The following SDK1 variants were observed in gnomAD, a reference collection of about 807,000 sequenced individuals.
SDK1 encodes the protein protein sidekick-1.
A neutral mutation model predicts 245.5 loss-of-function variants in SDK1; 157 were observed. The observed-to-expected ratio is 0.64, with a 90% CI of 0.56 to 0.73. The LOEUF (loss-of-function observed/expected upper bound fraction) is 0.73, where lower values mean the gene tolerates loss of function less well. SDK1 is among the 30% of genes least tolerant of loss of function. The probability of loss-of-function intolerance (pLI) is 0.00; values close to 1 mark genes in which losing one functional copy is unlikely to be tolerated. For missense variants in SDK1, 3,583 were observed against 3,002.3 expected, an observed-to-expected ratio of 1.19 and a Z score of -4.52; for synonymous variants, 1,647 against 1,278.5, an observed-to-expected ratio of 1.29 and a Z score of -6.15.
At chr7:4,110,147 C>G (rs1783244003) in intron 22 of SDK1, among the ~76,000 whole-genome samples, 1 of 152,150 alleles carries the variant, frequency 6.6e-6, no homozygotes. Flanking sequence ...GCCTAAGGAC[C>G]TTCCTTATGC....
chr7:3,916,160 G>A (rs1285653638), intron 5 of SDK1, among the ~76,000 whole-genome samples: 1 of 152,180 alleles, frequency 6.6e-6, no homozygotes, highest in African/African-American at 2.4e-5. Flanking sequence ...TGGGAAAGAG[G>A]GAGGGAGAGG....
Position 3,684,934 on chromosome 7 carries a change from A to G in SDK1, c.713+42829A>G, listed in dbSNP as rs573012028. Among the ~76,000 whole-genome samples, 5 of 152,308 alleles carry G rather than the reference A, an allele frequency of 3.3e-5. 1 individual carries two copies. Among genetic ancestry groups the G allele is most frequent in the African/African-American group, 1.2e-4 (5 of 41,592 alleles). On this transcript the variant is annotated intron_variant, in intron 4 of 44. Transcript: ENST00000404826. ...TGAGGACAGGTCAAGAATGTAGCCA[A>G]TCTGAACAACTAAGAAAAAATAGAT...
At chr7:3,832,853 T>A (rs1034636270) in intron 5 of SDK1, among the ~76,000 whole-genome samples, 3 of 152,086 alleles carry the variant, frequency 2.0e-5, no homozygotes, top group African/African-American at 7.2e-5. Flanking sequence ...TTCCTTCCAA[T>A]CTAGTATACC....
At chr7:4,193,116 A>T (rs1323985683) in intron 35 of SDK1, among the ~76,000 whole-genome samples, 11 of 131,440 alleles carry the variant, frequency 8.4e-5, no homozygotes, top group Admixed American at 3.3e-4. Flanking sequence ...AATATATTAA[A>T]ATATATATAA....
At chr7:3,630,705 G>A (rs1399326428) in intron 2 of SDK1, among the ~76,000 whole-genome samples, 2 of 152,060 alleles carry the variant, frequency 1.3e-5, no homozygotes. Flanking sequence ...GGGTCTGTAA[G>A]GTCTTTACAC....
chr7:3,462,764 T>G (rs1483561951), intron 1 of SDK1, among the ~76,000 whole-genome samples: 2 of 152,182 alleles, frequency 1.3e-5, no homozygotes, highest in African/African-American at 4.8e-5. Flanking sequence ...GCCATCCTAA[T>G]GCAAGCTGTC....
chr7:3,375,701 C>T (rs979625267), intron 1 of SDK1, among the ~76,000 whole-genome samples: 1 of 152,160 alleles, frequency 6.6e-6, no homozygotes, highest in African/African-American at 2.4e-5. Flanking sequence ...CAACCGCCAC[C>T]ATCAACTTGC....
At chr7:3,979,592 C>T (rs1318923373) in intron 13 of SDK1, among the ~76,000 whole-genome samples, 2 of 152,172 alleles carry the variant, frequency 1.3e-5, no homozygotes, top group South Asian at 2.1e-4. Context: ...TTTAGGAGGG[C>T]TCTGCCTTCA....
chr7:3,689,206 T>C (rs1007812016), intron 4 of SDK1, among the ~76,000 whole-genome samples: 3 of 152,190 alleles, frequency 2.0e-5, no homozygotes, highest in Admixed American at 6.5e-5. Context: ...AAGAACGTTA[T>C]GATAACCCTG....
intron 4 of SDK1, among the ~76,000 whole-genome samples, chr7:3,727,761 G>T (rs1450279706): frequency 6.6e-6 from 1 of 152,158 alleles, no homozygotes; most frequent in East Asian, 1.9e-4. Context: ...AAAGTGCTGG[G>T]ATTGCAGACA....
Position 3,484,454 on chromosome 7 carries a change from T to C in SDK1, c.299-134626T>C, listed in dbSNP as rs79512481. Among the ~76,000 whole-genome samples, 487 of 152,298 alleles carry C rather than the reference T, an allele frequency of 3.2e-3. 7 individuals are homozygous for C. The East Asian group carries it at 0.051, about 16-fold the overall frequency. On this transcript the variant is annotated intron_variant, in intron 1 of 44. Transcript: ENST00000404826. ...TGAGGGTCCTGGAACTAGTTCCCCATGTAGACCGAGGAACGGCTATATTTT... is the reference window on the plus strand; with the variant it reads ...TGAGGGTCCTGGAACTAGTTCCCCACGTAGACCGAGGAACGGCTATATTTT...
At chr7:3,598,127 T>G (rs1781127956) in intron 1 of SDK1, among the ~76,000 whole-genome samples, 1 of 152,266 alleles carries the variant, frequency 6.6e-6, no homozygotes, top group Non-Finnish European at 1.5e-5. Flanking sequence ...ATTTAGCCAC[T>G]TATAGTTTCT....
chr7:3,951,986 C>A, intron 7 of SDK1, 66 bp downstream of exon 7: 3 of 1,435,710 alleles, frequency 2.1e-6, no homozygotes, highest in Non-Finnish European at 1.9e-6. Context: ...GACTCTTCTG[C>A]AGAAACAAAA....
At chr7:4,075,589 C>G (rs1226880404) in intron 20 of SDK1, among the ~76,000 whole-genome samples, 1 of 151,852 alleles carries the variant, frequency 6.6e-6, no homozygotes, top group Non-Finnish European at 1.5e-5. Context: ...TTTAAGTGCT[C>G]TCTGATCACA....
chr7:3,717,959 T>TAAAAA (rs78072470), intron 4 of SDK1, among the ~76,000 whole-genome samples: 29 of 142,704 alleles, frequency 2.0e-4, no homozygotes, highest in Non-Finnish European at 1.5e-5. Flanking sequence ...AGACAGCATT[T>TAAAAA]AAAAAAAAAA....
chr7:4,162,252 G>A (rs1342766415), intron 32 of SDK1, among the ~76,000 whole-genome samples: 5 of 152,090 alleles, frequency 3.3e-5, no homozygotes, highest in Non-Finnish European at 2.9e-5. Flanking sequence ...AACTGCAACC[G>A]CTGGAGTTAG....
At chr7:3,868,254 T>C (rs1780869570) in intron 5 of SDK1, among the ~76,000 whole-genome samples, 1 of 152,320 alleles carries the variant, frequency 6.6e-6, no homozygotes, top group Admixed American at 6.5e-5. Flanking sequence ...CACCAATCAT[T>C]GATTCTGAAA....
chr7:4,135,864 T>G (rs748648635), intron 28 of SDK1, among the ~76,000 whole-genome samples: 1 of 152,174 alleles, frequency 6.6e-6, no homozygotes, highest in African/African-American at 2.4e-5. Context: ...TCCTAGACCA[T>G]TGGGGGCTCA....
intron 44 of SDK1, among the ~76,000 whole-genome samples, chr7:4,252,835 C>CT (rs1209212842): frequency 7.9e-4 from 106 of 133,630 alleles, no homozygotes; most frequent in Non-Finnish European, 1.0e-3. Flanking sequence ...CCCCCCCCCT[C>CT]TTTTTTTTTT....
Sources: gnomAD v4.1 joint callset for allele counts (sites outside exome capture counted in the v4.1 genomes callset) on GRCh38, gnomAD v4.1.1 for gene constraint, MANE v1.5 for transcripts, NCBI Gene and HGNC (gene_info 2026-07-23, HGNC 2026-07-21) for gene names.